PTK6: variants seen among roughly 807,000 people sequenced by gnomAD.
PTK6 encodes the protein protein tyrosine kinase 6.
PTK6 carries 47 observed loss-of-function variants against 47.5 expected under a neutral mutation model. That is an observed-to-expected ratio of 0.99 (90% confidence interval 0.78 to 1.26). The LOEUF (loss-of-function observed/expected upper bound fraction) is 1.26. Among genes scored for constraint, PTK6 ranks in the 50% most tolerant of loss-of-function variants. The pLI is 0.00. For synonymous variants in PTK6, 287 were observed against 276.5 expected, an observed-to-expected ratio of 1.04 and a Z score of -0.38; for missense variants, 618 against 625.3, an observed-to-expected ratio of 0.99 and a Z score of 0.12.
Position 63,528,247 on chromosome 20 carries a change from CTT to C in PTK6, c.*1287_*1288del, listed in dbSNP as rs2082590289. ...ACCCGTAAATAGAACCTCCAGAAGACTTAGTGTGACTTACTATTTCACACGCT... is the reference window on the plus strand; with the variant it reads ...ACCCGTAAATAGAACCTCCAGAAGACAGTGTGACTTACTATTTCACACGCT... On this transcript the variant is annotated 3_prime_UTR_variant, in exon 8 of 8. Transcript: ENST00000542869. The C allele has an allele frequency of 6.6e-6, 1 of 152,196 alleles. No homozygotes were observed. The highest frequency in any genetic ancestry group is 1.5e-5 in the Non-Finnish European group (1 of 68,032). 9.4% of individuals were successfully genotyped at this position (152,196 alleles called of 1,614,324 possible).
intron 1 of PTK6, among the ~76,000 whole-genome samples, chr20:63,535,509 G>A (rs1292301791): frequency 2.0e-5 from 3 of 152,024 alleles, no homozygotes; most frequent in East Asian, 1.9e-4. Flanking sequence ...TCACACGCAC[G>A]CACACACAGC....
At chr20:63,532,303 GTGTC>G (rs756545479) in intron 5 of PTK6, among the ~76,000 whole-genome samples, 10 of 141,800 alleles carry the variant, frequency 7.1e-5, no homozygotes, top group East Asian at 1.9e-4. Flanking sequence ...TCTTGTGTGT[GTGTC>G]TGTGTGTGCA....
Position 63,528,219 on chromosome 20 carries a change from C to G in PTK6, c.*1317G>C, listed in dbSNP as rs73324442. 1 of 151,972 alleles carries G rather than the reference C, an allele frequency of 6.6e-6. No homozygotes were observed. The highest frequency in any genetic ancestry group is 1.5e-5 in the Non-Finnish European group (1 of 68,014). The allele number at this position is 151,972 out of a possible 1,614,324, so 9.4% of individuals were successfully genotyped here. A position where few individuals can be genotyped will look rare whatever the true frequency, so the allele number is the denominator to read the frequency against. On this transcript the variant is annotated 3_prime_UTR_variant, in exon 8 of 8. Transcript: ENST00000542869. ...GTTTCTGCAACATTCATATCAAAAC[C>G]AAACCCGTAAATAGAACCTCCAGAA...
chr20:63,536,332 C>T (rs35917131), intron 1 of PTK6, among the ~76,000 whole-genome samples: 2,936 of 146,924 alleles, frequency 0.02, 51 homozygotes, highest in Non-Finnish European at 0.027. Flanking sequence ...ACCCTGCTAA[C>T]GAGGTCGTGG....
Position 63,530,313 on chromosome 20 carries a change from T to G in PTK6, c.1015-82A>C. The G allele has an allele frequency of 6.5e-7, 1 of 1,542,246 alleles. No homozygotes were observed. Among genetic ancestry groups the G allele is most frequent in the Non-Finnish European group, 8.9e-7 (1 of 1,128,968 alleles). On this transcript the variant is annotated intron_variant, in intron 6 of 7. Coordinates refer to ENST00000542869, the MANE Select transcript of PTK6 (RefSeq NM_005975.4). This position sits in a 1 kb window ranked among gnomAD's most constrained non-coding sequence, Gnocchi z 4.1. ...AGCATGGACGGGCACAGCGGCCGCA[T>G]TGCCCCAGCAGTGGGACGGTGATGA...
rs764857884 is a variant in PTK6, at chr20:63,530,866, C to G, written c.894G>C (p.Glu298Asp). 2 of 1,613,900 alleles carry G rather than the reference C, an allele frequency of 1.2e-6. No homozygotes were observed. Among genetic ancestry groups the G allele is most frequent in the Non-Finnish European group, 8.5e-7 (1 of 1,179,956 alleles). ...ELLDIAWQVA[E>D]GMCYLESQNY... ...TCTGCGACTCCAGGTAACACATGCC[C>G]TCAGCCACCTGCCAGGCGATGTCCA... Residue 298 changes from glutamate (E) to aspartate (D), a missense_variant, in exon 6 of 8, where the codon GAG (glutamate) becomes GAC (aspartate). By Grantham distance (45) the Glu-to-Asp change is conservative. Coordinates refer to ENST00000542869, the MANE Select transcript of PTK6 (RefSeq NM_005975.4). This position sits in a 1 kb window ranked among gnomAD's most constrained non-coding sequence, Gnocchi z 4.1.
Position 63,532,695 on chromosome 20 carries a change from G to A in PTK6, c.671-8C>T. The stretch of plus-strand genomic sequence containing the variant: ...GCTGGTGCAGGAGGTTGTCTGCGGG[G>A]ACGGGTGGCCTCGGTGGATGCAGCC... On this transcript the variant is annotated splice_polypyrimidine_tract_variant and splice_region_variant and intron_variant, in intron 4 of 7. Transcript: ENST00000542869. The A allele has an allele frequency of 6.2e-7, 1 of 1,612,888 alleles. No homozygotes were observed. The highest frequency in any genetic ancestry group is 8.5e-7 in the Non-Finnish European group (1 of 1,179,594).
chr20:63,529,704 G>A lies in PTK6; in HGVS notation c.1188C>T (p.Ala396=), dbSNP rs2082603145. The stretch of plus-strand genomic sequence containing the variant: ...GGTAGCCGGCGTCCACCCTCAGGAA[G>A]GCCTCATGGTTGGACATGCCTGCGG... ...VPYPGMSNHE[A]FLRVDAGYRM... The change falls in exon 8 of 8, where the codon GCC becomes GCT. Residue 396 remains alanine (A), a synonymous_variant. Transcript: ENST00000542869. The surrounding 1 kb of genome is among the most constrained non-coding windows in gnomAD (Gnocchi z 5.6). The A allele has an allele frequency of 6.5e-7, 1 of 1,545,578 alleles. No homozygotes were observed. The highest frequency in any genetic ancestry group is 2.4e-5 in the East Asian group (1 of 40,884).
chr20:63,529,507 G>A lies in PTK6; in HGVS notation c.*29C>T, dbSNP rs182287649. 6.2e-4 allele frequency: 939 copies of A among 1,524,342 alleles called. 11 individuals carry two copies. In the South Asian group the frequency reaches 7.1e-3, roughly 12 times the overall value. 94.4% of individuals were successfully genotyped at this position (1,524,342 alleles called of 1,614,324 possible). A position where few individuals can be genotyped will look rare whatever the true frequency, so the allele number is the denominator to read the frequency against. ...CCTCTGCCCAGGCCCCTCCTCAGCA[G>A]GGCCCGGCCATGCCCGCTCCACAGC... is the stretch of plus-strand genomic sequence containing the variant. On this transcript the variant is annotated 3_prime_UTR_variant, in exon 8 of 8. Coordinates refer to ENST00000542869, the MANE Select transcript of PTK6 (RefSeq NM_005975.4). The surrounding 1 kb of genome is among the most constrained non-coding windows in gnomAD (Gnocchi z 5.6).
chr20:63,534,640 C>T (rs886931979), intron 2 of PTK6, among the ~76,000 whole-genome samples: 7 of 152,184 alleles, frequency 4.6e-5, no homozygotes, highest in African/African-American at 1.7e-4. Flanking sequence ...AGGCTCAGGT[C>T]TCATGCTGGG....
chr20:63,536,237 T>C (rs1362236820), intron 1 of PTK6, among the ~76,000 whole-genome samples: 2 of 111,648 alleles, frequency 1.8e-5, no homozygotes, highest in Non-Finnish European at 3.6e-5. Flanking sequence ...GGACTCAGGG[T>C]CTTTGCACCT....
rs1569014536 is a variant in PTK6 at position 63,537,172 on chromosome 20, GT to G, written c.142del (p.Thr48ArgfsTer56). 3.1e-6 allele frequency: 5 copies of G among 1,612,348 alleles called. No individual in the cohort carries two copies. The Admixed American group carries it at 8.3e-5, about 27-fold the overall frequency. Reference protein sequence around the residue: ...ARKEEQWWWATLLDEAGGAVA... With the variant: ...ARKEEQWWWAXLLDEAGGAVA... ...GGCCCCACCCGCCTCGTCCAGCAGC[GT>G]GGCCCACCACCACTGCTCCTCCTTC... On this transcript the variant is annotated frameshift_variant, in exon 1 of 8. Transcript: ENST00000542869. LOFTEE classifies it high-confidence loss of function.
At chr20:63,531,028 C>A (rs535466891) in intron 5 of PTK6, 101 bp from the exon 6 acceptor site, 1 of 1,166,230 alleles carries the variant, frequency 8.6e-7, no homozygotes, top group Middle Eastern at 2.2e-4. Context: ...CCAAGCTCTG[C>A]GGGCTCAGAG....
intron 1 of PTK6, among the ~76,000 whole-genome samples, chr20:63,535,528 C>T (rs931298943): frequency 9.2e-5 from 14 of 152,224 alleles, no homozygotes; most frequent in Admixed American, 4.6e-4. Context: ...GCCACTCGCG[C>T]GCACTAACTC....
At position 63,530,822 on chromosome 20, in the gene PTK6, A is replaced by C; in HGVS notation, c.938T>G (p.Leu313Arg). ...LESQNYIHRD[L>R]AARNILVGEN... ...CCCGACGAGGATGTTCCTGGCGGCC[A>C]GGTCCCGGTGGATGTAATTCTGCGA... The change falls in exon 6 of 8, where the codon CTG (leucine) becomes CGG (arginine). Residue 313 changes from leucine to arginine, a missense_variant. Coordinates refer to ENST00000542869, the MANE Select transcript of PTK6 (RefSeq NM_005975.4). The surrounding 1 kb of genome is among the most constrained non-coding windows in gnomAD (Gnocchi z 4.1). The C allele has an allele frequency of 6.2e-7, 1 of 1,614,066 alleles. No homozygotes were observed. Among genetic ancestry groups the C allele is most frequent in the South Asian group, 1.1e-5 (1 of 91,070 alleles).
Position 63,530,247 on chromosome 20 carries a change from A to G in PTK6, c.1015-16T>C. 6.2e-7 allele frequency: 1 copy of G among 1,612,262 alleles called. No individual in the cohort carries two copies. The highest frequency in any genetic ancestry group is 8.5e-7 in the Non-Finnish European group (1 of 1,178,754). On this transcript the variant is annotated splice_polypyrimidine_tract_variant and intron_variant, in intron 6 of 7. Transcript: ENST00000542869. This position sits in a 1 kb window ranked among gnomAD's most constrained non-coding sequence, Gnocchi z 4.1. ...AGACGTCCTCCTGCAATCAGCCTGG[A>G]GCTGAGTGGGCCGTGGGGGCTGCCT... is the stretch of plus-strand genomic sequence containing the variant.
Position 63,531,614 on chromosome 20 carries a change from C to CAA in PTK6, c.833-689_833-688dup, listed in dbSNP as rs111459656. ...TGGGCGACAGAGTGAGACTCCGTCT[C>CAA]AAAAAAAAAAAAAAGAACCAAGGAG... On this transcript the variant is annotated intron_variant, in intron 5 of 7. Transcript: ENST00000542869. Among the ~76,000 whole-genome samples the CAA allele has an allele frequency of 8.2e-4, 99 of 120,506 alleles. 2 individuals are homozygous for CAA. The highest frequency in any genetic ancestry group is 2.6e-3 in the African/African-American group (93 of 35,738). 79.1% of individuals were successfully genotyped at this position (120,506 alleles called of 152,430 possible).
chr20:63,533,486 CG>C lies in PTK6; in HGVS notation c.670+64del. ...GCTCGAGGCCAGAGGTCCCTGTTGG[CG>C]GGGTGGGAGGGTGGCCCAGGGCAGG... On this transcript the variant is annotated intron_variant, in intron 4 of 7. Transcript: ENST00000542869. The surrounding 1 kb of genome is among the most constrained non-coding windows in gnomAD (Gnocchi z 4.0). 6.7e-7 allele frequency: 1 copy of C among 1,494,426 alleles called. No individual in the cohort carries two copies. Among genetic ancestry groups the C allele is most frequent in the Non-Finnish European group, 8.9e-7 (1 of 1,117,884 alleles). 92.6% of individuals were successfully genotyped at this position (1,494,426 alleles called of 1,614,324 possible). A position where few individuals can be genotyped will look rare whatever the true frequency, so the allele number is the denominator to read the frequency against.
chr20:63,532,301 GTGTGTC>G (rs1569011228), intron 5 of PTK6, among the ~76,000 whole-genome samples: 7 of 141,102 alleles, frequency 5.0e-5, no homozygotes, highest in African/African-American at 2.2e-4. Flanking sequence ...TGTCTTGTGT[GTGTGTC>G]TGTGTGTGCA....
Sources: gnomAD v4.1 joint callset for allele counts (sites outside exome capture counted in the v4.1 genomes callset) on GRCh38, gnomAD v4.1.1 for gene constraint, Gnocchi (gnomAD v3.1) non-coding constraint, MANE v1.5 for transcripts, NCBI Gene and HGNC (gene_info 2026-07-23, HGNC 2026-07-21) for gene names.